Variants in DIP2C observed in about 807,000 individuals in gnomAD.
The protein encoded by DIP2C is DIP2 acetate--CoA ligase C (putative).
DIP2C carries 33 observed loss-of-function variants against 192.4 expected under a neutral mutation model. The observed-to-expected ratio is 0.17, with a 90% CI of 0.13 to 0.23. The LOEUF (loss-of-function observed/expected upper bound fraction) is 0.23. DIP2C is among the 10% of genes least tolerant of loss of function. The pLI is 1.00. For synonymous variants in DIP2C, 979 were observed against 864.1 expected, an observed-to-expected ratio of 1.13 and a Z score of -2.33; for missense variants, 1,537 against 2,110.1, an observed-to-expected ratio of 0.73 and a Z score of 5.32.
chr10:574,026 T>TAGAAGA, intron 1 of DIP2C, among the ~76,000 whole-genome samples: 1 of 152,218 alleles, frequency 6.6e-6, no homozygotes, highest in East Asian at 1.9e-4. Context: ...TGTCTTCTAC[T>TAGAAGA]CAAATTAAGT....
In DIP2C at chr10:386,214, T is replaced by C. The variant is rs548251282; in HGVS notation, c.1662+1531A>G. On this transcript the variant is annotated intron_variant, in intron 14 of 36. Coordinates refer to ENST00000280886, the MANE Select transcript of DIP2C (RefSeq NM_014974.3). ...TTTGGGACCTGATCATTGAATCACATGCGTCAAACGTGTAGGTGGAGTGAG... is the reference window on the plus strand; with the variant it reads ...TTTGGGACCTGATCATTGAATCACACGCGTCAAACGTGTAGGTGGAGTGAG... 4.6e-5 allele frequency among the ~76,000 whole-genome samples: 7 copies of C among 152,334 alleles called. No homozygotes were observed. The East Asian group carries it at 9.6e-4, about 21-fold the overall frequency.
intron 1 of DIP2C, among the ~76,000 whole-genome samples, chr10:614,798 G>A (rs1229827609): frequency 6.6e-6 from 1 of 152,242 alleles, no homozygotes; most frequent in Non-Finnish European, 1.5e-5. Flanking sequence ...AGTAGGTATG[G>A]GAAGGAGAGG....
chr10:417,879 CACCT>C (rs1965828139), intron 6 of DIP2C, among the ~76,000 whole-genome samples: 1 of 85,376 alleles, frequency 1.2e-5, no homozygotes, highest in Non-Finnish European at 2.3e-5. Flanking sequence ...CCTCCCTGTC[CACCT>C]GCACCTGTCA....
chr10:551,404 G>A (rs901771767), intron 1 of DIP2C, among the ~76,000 whole-genome samples: 1 of 152,226 alleles, frequency 6.6e-6, no homozygotes, highest in African/African-American at 2.4e-5. Context: ...CACGGAGGCT[G>A]TGGAAGGGGT....
chr10:440,185 G>C (rs1967614437), intron 4 of DIP2C, among the ~76,000 whole-genome samples: 1 of 152,164 alleles, frequency 6.6e-6, no homozygotes, highest in Non-Finnish European at 1.5e-5. Context: ...TTAAATAAAA[G>C]CAGTATTACA....
chr10:430,716 C>T (rs1433626395), intron 4 of DIP2C, among the ~76,000 whole-genome samples: 1 of 152,154 alleles, frequency 6.6e-6, no homozygotes, highest in Non-Finnish European at 1.5e-5. Flanking sequence ...CACCTTGCAC[C>T]TTTGGTGTCA....
At chr10:634,879 AC>A (rs1854743126) in intron 1 of DIP2C, among the ~76,000 whole-genome samples, 1 of 152,244 alleles carries the variant, frequency 6.6e-6, no homozygotes, top group Admixed American at 6.5e-5. Context: ...AATTAGATCA[AC>A]ATTCTGTCCT....
chr10:420,063 G>A lies in DIP2C; in HGVS notation c.605-864C>T, dbSNP rs143739787. On this transcript the variant is annotated intron_variant, in intron 5 of 36. Coordinates refer to ENST00000280886, the MANE Select transcript of DIP2C (RefSeq NM_014974.3). Reference sequence around the variant, plus strand: ...GATCCTGAATCCTCCTCTGATGGAAGCTTTTCAGGATCACCCCGCCACTGT... The same window carrying A: ...GATCCTGAATCCTCCTCTGATGGAAACTTTTCAGGATCACCCCGCCACTGT... Among the ~76,000 whole-genome samples, 1,034 of 152,324 alleles carry A rather than the reference G, an allele frequency of 6.8e-3. 17 individuals carry two copies. The highest frequency in any genetic ancestry group is 0.023 in the African/African-American group (953 of 41,576).
chr10:418,151 CA>C (rs1407841485), intron 6 of DIP2C, among the ~76,000 whole-genome samples: 10 of 50,982 alleles, frequency 2.0e-4, no homozygotes, highest in Non-Finnish European at 1.4e-4. Flanking sequence ...CTGCACCTGT[CA>C]GAGCTCGGAC....
At chr10:351,692 G>A (rs1268327649) in intron 24 of DIP2C, among the ~76,000 whole-genome samples, 2 of 152,226 alleles carry the variant, frequency 1.3e-5, no homozygotes, top group African/African-American at 4.8e-5. Context: ...AGGAACGCAG[G>A]GCTGGAGTCC....
At chr10:490,066 G>C (rs1588281365) in intron 1 of DIP2C, among the ~76,000 whole-genome samples, 1 of 22,778 alleles carries the variant, frequency 4.4e-5, no homozygotes, top group African/African-American at 1.3e-4. Flanking sequence ...AGTGCCCGGG[G>C]CTTCCTCCAT....
At chr10:501,961 A>G (rs1564794746) in intron 1 of DIP2C, among the ~76,000 whole-genome samples, 1 of 152,122 alleles carries the variant, frequency 6.6e-6, no homozygotes, top group African/African-American at 2.4e-5. Context: ...CCTGGGTAAC[A>G]TAGTGAAACT....
rs147549738 is a variant in DIP2C, at chr10:492,233, G to A, written c.86-5703C>T. Among the ~76,000 whole-genome samples the A allele has an allele frequency of 4.1e-3, 630 of 152,302 alleles. 3 individuals carry two copies. The highest frequency in any genetic ancestry group is 0.014 in the African/African-American group (600 of 41,558). ...GGGTCGCTGCAAGAATGCAAACGTG[G>A]TGAGCCTCTCTCCCCAAACTGCGTT... On this transcript the variant is annotated intron_variant, in intron 1 of 36. Coordinates refer to ENST00000280886, the MANE Select transcript of DIP2C (RefSeq NM_014974.3).
intron 1 of DIP2C, among the ~76,000 whole-genome samples, chr10:565,354 TAAAA>T (rs59721670): frequency 1.8e-4 from 20 of 114,122 alleles, no homozygotes; most frequent in East Asian, 6.9e-4. Flanking sequence ...ACCTGCATTC[TAAAA>T]AAAAAAAAAA....
chr10:519,466 G>A (rs754989221), intron 1 of DIP2C, among the ~76,000 whole-genome samples: 15 of 152,212 alleles, frequency 9.9e-5, no homozygotes, highest in African/African-American at 1.4e-4. Flanking sequence ...TATTGGATAT[G>A]GCAATAAGGC....
intron 4 of DIP2C, among the ~76,000 whole-genome samples, chr10:429,870 G>GT (rs1658315999): frequency 6.6e-6 from 1 of 152,062 alleles, no homozygotes; most frequent in South Asian, 2.1e-4. Flanking sequence ...GTATGTAGAC[G>GT]TAAGTTTTCA....
intron 1 of DIP2C, among the ~76,000 whole-genome samples, chr10:546,566 T>C (rs1588435165): frequency 6.6e-6 from 1 of 152,224 alleles, no homozygotes; most frequent in Non-Finnish European, 1.5e-5. Flanking sequence ...TGCTTTCACA[T>C]AGTTTTAGGT....
At chr10:585,224 C>G (rs1410644881) in intron 1 of DIP2C, among the ~76,000 whole-genome samples, 8 of 152,196 alleles carry the variant, frequency 5.3e-5, no homozygotes, top group Non-Finnish European at 1.2e-4. Flanking sequence ...CTGACTTCGT[C>G]AGAGCAAGCG....
At chr10:589,143 A>C (rs1235884341) in intron 1 of DIP2C, among the ~76,000 whole-genome samples, 1 of 151,982 alleles carries the variant, frequency 6.6e-6, no homozygotes, top group African/African-American at 2.4e-5. Context: ...TCGATGGAGC[A>C]CCTGTTCAGG....
Sources: gnomAD v4.1 joint callset for allele counts (sites outside exome capture counted in the v4.1 genomes callset) on GRCh38, gnomAD v4.1.1 for gene constraint, MANE v1.5 for transcripts, NCBI Gene and HGNC (gene_info 2026-07-23, HGNC 2026-07-21) for gene names.